SPECC1: variants seen among roughly 807,000 people sequenced by gnomAD.
SPECC1 encodes the protein cytospin-B.
In SPECC1, 62 loss-of-function variants were observed where a neutral mutation model predicts 104.1. That is an observed-to-expected ratio of 0.60 (90% confidence interval 0.49 to 0.74). The LOEUF (loss-of-function observed/expected upper bound fraction) is 0.74. Ranked by LOEUF, SPECC1 falls within the 30% of genes least tolerant of loss-of-function variation. The pLI is 0.00. For missense variants in SPECC1, 1,306 were observed against 1,310.5 expected (o/e 1.00, Z 0.05); for synonymous variants, 513 against 501.6 (o/e 1.02, Z -0.30).
chr17:20,054,034 C>T (rs757685825), intron 1 of SPECC1, among the ~76,000 whole-genome samples: 2 of 152,192 alleles, frequency 1.3e-5, no homozygotes, highest in African/African-American at 4.8e-5. Flanking sequence ...ATCTAGGTAT[C>T]TGTTGATTCA....
chr17:20,122,027 C>A (rs903206987), intron 3 of SPECC1, among the ~76,000 whole-genome samples: 1 of 152,152 alleles, frequency 6.6e-6, no homozygotes, highest in African/African-American at 2.4e-5. Flanking sequence ...ATGAGCAAGA[C>A]GTGGGAGAGA....
intron 3 of SPECC1, chr17:20,156,147 G>T: frequency 7.0e-7 from 1 of 1,429,332 alleles, no homozygotes. Context: ...CGGCACGGTG[G>T]ACACCCGGTC....
intron 1 of SPECC1, among the ~76,000 whole-genome samples, chr17:20,077,730 G>A (rs1249008769): frequency 1.3e-5 from 2 of 152,302 alleles, no homozygotes; most frequent in Middle Eastern, 3.4e-3. Flanking sequence ...GCCTCCCAAA[G>A]TGCTGGGGTT....
chr17:20,071,064 AG>A (rs1457588323), intron 1 of SPECC1, among the ~76,000 whole-genome samples: 1 of 152,032 alleles, frequency 6.6e-6, no homozygotes, highest in Non-Finnish European at 1.5e-5. Flanking sequence ...TGTGTTGCCC[AG>A]GCTGGAGTTC....
intron 1 of SPECC1, among the ~76,000 whole-genome samples, chr17:20,081,003 T>C (rs889131108): frequency 3.5e-4 from 54 of 152,274 alleles, no homozygotes; most frequent in African/African-American, 1.3e-3. Flanking sequence ...TGCCTCCTCC[T>C]TGCTTTGCTG....
At position 20,298,578 on chromosome 17, in the gene SPECC1, C is replaced by G. The variant is rs77160461; in HGVS notation, c.3057+1501C>G. On this transcript the variant is annotated intron_variant, in intron 13 of 14. Transcript: ENST00000395527. ...CGGGAGAGGCGACAGAGCTTCCCCA[C>G]AGCTCTGGTTTGGCCTCACCCACTA... 2.9e-3 allele frequency among the ~76,000 whole-genome samples: 445 copies of G among 152,248 alleles called. 17 individuals carry two copies. The East Asian group carries it at 0.083, about 28-fold the overall frequency.
chr17:20,022,430 A>C lies in SPECC1; in HGVS notation c.-22+13006A>C, dbSNP rs1354480782. Reference sequence around the variant, plus strand: ...CCCCTTGTTGATGTTTCGACAGTGCACATAGTTTCTCCTAATATGTTATAC... The same window carrying C: ...CCCCTTGTTGATGTTTCGACAGTGCCCATAGTTTCTCCTAATATGTTATAC... On this transcript the variant is annotated intron_variant, in intron 1 of 14. Transcript: ENST00000395527. Among the ~76,000 whole-genome samples the C allele has an allele frequency of 3.9e-5, 6 of 152,206 alleles. No individual in the cohort carries two copies. The East Asian group carries it at 1.2e-3, about 29-fold the overall frequency.
chr17:20,077,454 T>G lies in SPECC1; in HGVS notation c.-21-19177T>G, dbSNP rs183189936. Among the ~76,000 whole-genome samples the G allele has an allele frequency of 4.8e-3, 716 of 149,558 alleles. 5 individuals carry two copies. Among genetic ancestry groups the G allele is most frequent in the Non-Finnish European group, 5.9e-3 (403 of 67,980 alleles). On this transcript the variant is annotated intron_variant, in intron 1 of 14. Coordinates refer to ENST00000395527, the MANE Select transcript of SPECC1 (RefSeq NM_001243439.2). Reference sequence around the variant, plus strand: ...CACTGTGATAGCTTTTGTGGCTTTTTTTTGTTTGTTTGTTTTGTTTTTTTG... The same window carrying G: ...CACTGTGATAGCTTTTGTGGCTTTTGTTTGTTTGTTTGTTTTGTTTTTTTG...
Position 20,318,770 on chromosome 17 carries a change from C to T in SPECC1, c.*4705C>T, listed in dbSNP as rs1159500705. 2 of 217,068 alleles carry T rather than the reference C, an allele frequency of 9.2e-6. No homozygotes were observed. The highest frequency in any genetic ancestry group is 1.9e-5 in the Non-Finnish European group (2 of 107,966). 13.4% of individuals were successfully genotyped at this position (217,068 alleles called of 1,614,324 possible). On this transcript the variant is annotated 3_prime_UTR_variant, in exon 15 of 15. Transcript: ENST00000395527. ...CCTCAATTCACGGGGCATTTCACTC[C>T]TCTGATCCAGGTTAGAATTTTGCTA...
intron 1 of SPECC1, among the ~76,000 whole-genome samples, chr17:20,040,884 A>G (rs1026880578): frequency 2.0e-5 from 3 of 152,022 alleles, no homozygotes; most frequent in African/African-American, 7.3e-5. Context: ...TTCAGCTATT[A>G]TTTTTTGAAT....
chr17:20,090,929 T>G (rs542875190), intron 1 of SPECC1, among the ~76,000 whole-genome samples: 10 of 152,320 alleles, frequency 6.6e-5, no homozygotes, highest in Admixed American at 5.2e-4. Flanking sequence ...ACCCTATTCC[T>G]TATGGGTCTC....
chr17:20,187,643 T>C (rs940122082), intron 3 of SPECC1, among the ~76,000 whole-genome samples: 1 of 152,216 alleles, frequency 6.6e-6, no homozygotes, highest in Non-Finnish European at 1.5e-5. Context: ...CTTTCAGTTA[T>C]GGGAGTCAAA....
At chr17:20,295,075 G>C (rs1309968979) in intron 12 of SPECC1, among the ~76,000 whole-genome samples, 5 of 151,528 alleles carry the variant, frequency 3.3e-5, no homozygotes, top group African/African-American at 1.2e-4. Flanking sequence ...CAATGTGCAG[G>C]TTTGTTACAT....
intron 12 of SPECC1, among the ~76,000 whole-genome samples, chr17:20,282,998 G>T (rs2040825608): frequency 6.6e-6 from 1 of 152,128 alleles, no homozygotes; most frequent in African/African-American, 2.4e-5. Context: ...GGGCAACATA[G>T]TGAGACCCCA....
intron 3 of SPECC1, among the ~76,000 whole-genome samples, chr17:20,125,008 G>A (rs1477986845): frequency 7.2e-5 from 11 of 151,964 alleles, no homozygotes; most frequent in Non-Finnish European, 5.9e-5. Context: ...GTAAAACCCC[G>A]TCTCTACTAA....
intron 1 of SPECC1, among the ~76,000 whole-genome samples, chr17:20,046,449 T>C (rs2045540972): frequency 6.6e-6 from 1 of 152,228 alleles, no homozygotes; most frequent in African/African-American, 2.4e-5. Flanking sequence ...CTCTGAACTA[T>C]GCCCTGTTCT....
At chr17:20,207,339 G>A (rs1443905878) in intron 4 of SPECC1, among the ~76,000 whole-genome samples, 2 of 152,138 alleles carry the variant, frequency 1.3e-5, no homozygotes, top group Admixed American at 6.5e-5. Context: ...TAAATTTGTA[G>A]GTATTTTATT....
At position 20,314,806 on chromosome 17, in the gene SPECC1, A is replaced by G. The variant is rs1053414394; in HGVS notation, c.*741A>G. The G allele has an allele frequency of 2.6e-5, 6 of 230,792 alleles. No individual in the cohort carries two copies. The highest frequency in any genetic ancestry group is 1.8e-4 in the South Asian group (1 of 5,504). The allele number at this position is 230,792 out of a possible 1,614,324, so 14.3% of individuals were successfully genotyped here. On this transcript the variant is annotated 3_prime_UTR_variant, in exon 15 of 15. Coordinates refer to ENST00000395527, the MANE Select transcript of SPECC1 (RefSeq NM_001243439.2). ...GGAAAAATGGGAGTTCTAGGTAACA[A>G]TGTTAACACCTGGAACTTGATTCAC...
chr17:20,131,070 C>A (rs772307631), intron 3 of SPECC1, among the ~76,000 whole-genome samples: 8 of 152,128 alleles, frequency 5.3e-5, no homozygotes, highest in Admixed American at 1.3e-4. Flanking sequence ...ATATGTTTGC[C>A]TTATACCTTG....
Sources: gnomAD v4.1 joint callset for allele counts (sites outside exome capture counted in the v4.1 genomes callset) on GRCh38, gnomAD v4.1.1 for gene constraint, MANE v1.5 for transcripts, NCBI Gene and HGNC (gene_info 2026-07-23, HGNC 2026-07-21) for gene names.